The following ROBO1 variants were observed in gnomAD, a reference collection of about 807,000 sequenced individuals.
ROBO1 encodes the protein roundabout homolog 1.
ROBO1 carries 149 observed loss-of-function variants against 195.9 expected under a neutral mutation model. The ratio of observed to expected loss-of-function variants is 0.76; its 90% confidence interval spans 0.67 to 0.87. The LOEUF (loss-of-function observed/expected upper bound fraction) is 0.87. ROBO1 is among the 40% of genes least tolerant of loss of function. The probability of loss-of-function intolerance (pLI) is 0.00; values close to 1 mark genes in which losing one functional copy is unlikely to be tolerated. For synonymous variants in ROBO1, 816 were observed against 733.2 expected (o/e 1.11, Z -1.82); for missense variants, 1,933 against 2,068.3 (o/e 0.93, Z 1.27).
chr3:79,138,813 G>A (rs904847601), intron 2 of ROBO1, among the ~76,000 whole-genome samples: 1 of 151,778 alleles, frequency 6.6e-6, no homozygotes, highest in African/African-American at 2.4e-5. Context: ...AGGAAATTCT[G>A]ATATAGATAT....
intron 4 of ROBO1, among the ~76,000 whole-genome samples, chr3:78,787,580 T>C (rs1409365941): frequency 2.0e-5 from 3 of 152,218 alleles, no homozygotes; most frequent in Non-Finnish European, 4.4e-5. Context: ...AAACAAGCTA[T>C]CACCTATGTG....
chr3:79,319,200 A>G (rs2109122193), intron 2 of ROBO1, among the ~76,000 whole-genome samples: 1 of 152,256 alleles, frequency 6.6e-6, no homozygotes, highest in East Asian at 1.9e-4. Context: ...GAAATTTTGA[A>G]TTTGGAGTAG....
intron 2 of ROBO1, among the ~76,000 whole-genome samples, chr3:79,351,540 T>C (rs2035342451): frequency 6.6e-6 from 1 of 152,168 alleles, no homozygotes; most frequent in South Asian, 2.1e-4. Context: ...ATTTTATTTT[T>C]ACAAAATCAA....
chr3:79,018,590 A>T (rs2078017024), intron 3 of ROBO1: 9 of 1,496,678 alleles, frequency 6.0e-6, no homozygotes, highest in Non-Finnish European at 8.1e-6. Flanking sequence ...ATTAGCCAAG[A>T]GTTTTCAGGG....
At chr3:79,418,521 TTA>T (rs753307583) in intron 2 of ROBO1, among the ~76,000 whole-genome samples, 23 of 152,278 alleles carry the variant, frequency 1.5e-4, no homozygotes, top group Admixed American at 1.0e-3. Flanking sequence ...ACAGCTATTT[TTA>T]TATAGTCTAA....
chr3:79,212,285 G>A (rs2081979915), intron 2 of ROBO1, among the ~76,000 whole-genome samples: 1 of 152,156 alleles, frequency 6.6e-6, no homozygotes, highest in African/African-American at 2.4e-5. Flanking sequence ...GGGGCAGTTT[G>A]TGGCCAGATT....
At chr3:79,074,281 A>G (rs2079134852) in intron 3 of ROBO1, among the ~76,000 whole-genome samples, 1 of 151,898 alleles carries the variant, frequency 6.6e-6, no homozygotes, top group African/African-American at 2.4e-5. Flanking sequence ...GTTTCAGGGT[A>G]TTCTGGTTCT....
intron 4 of ROBO1, among the ~76,000 whole-genome samples, chr3:78,820,169 T>G (rs1195429704): frequency 6.6e-6 from 1 of 152,220 alleles, no homozygotes; most frequent in African/African-American, 2.4e-5. Context: ...TATACGCAAA[T>G]TTCTTTAAGA....
chr3:79,050,722 G>C (rs912017342), intron 3 of ROBO1, among the ~76,000 whole-genome samples: 7 of 152,164 alleles, frequency 4.6e-5, no homozygotes, highest in African/African-American at 1.4e-4. Flanking sequence ...TCAGACCACA[G>C]TGCAATCAAA....
Position 78,639,880 on chromosome 3 carries a change from G to T in ROBO1, c.2901C>A (p.Ile967=), listed in dbSNP as rs1474551030. The T allele has an allele frequency of 6.2e-7, 1 of 1,603,126 alleles. No homozygotes were observed. Among genetic ancestry groups the T allele is most frequent in the Non-Finnish European group, 8.5e-7 (1 of 1,173,534 alleles). The change falls in exon 22 of 31, where the codon ATC becomes ATA. Residue 967 remains isoleucine, a synonymous_variant. Coordinates refer to ENST00000464233, the MANE Select transcript of ROBO1 (RefSeq NM_002941.4). ...GCCATGGCTGCGCGGCAGGTTCACT[G>T]ATGTTGAGAAGTCCAGGCCTAAATA... ...SSGGRPGLLN[I]SEPAAQPWLA...
At chr3:79,399,955 C>A (rs1390426094) in intron 2 of ROBO1, among the ~76,000 whole-genome samples, 2 of 152,072 alleles carry the variant, frequency 1.3e-5, no homozygotes, top group Non-Finnish European at 2.9e-5. Context: ...TCACACTAGA[C>A]CCTTGTGTAG....
chr3:78,744,231 C>A (rs2082601407), intron 5 of ROBO1, among the ~76,000 whole-genome samples: 1 of 152,192 alleles, frequency 6.6e-6, no homozygotes, highest in Non-Finnish European at 1.5e-5. Flanking sequence ...TGCTCACAAA[C>A]ACATCCAGTC....
In ROBO1 at chr3:79,165,403, C is replaced by G. The variant is rs77219122; in HGVS notation, c.89-39864G>C. Among the ~76,000 whole-genome samples, 662 of 152,300 alleles carry G rather than the reference C, an allele frequency of 4.3e-3. 4 individuals carry two copies. Among genetic ancestry groups the G allele is most frequent in the Non-Finnish European group, 6.6e-3 (449 of 68,024 alleles). The stretch of plus-strand genomic sequence containing the variant: ...TTCTTTCAGCATTAGAATAATTTAC[C>G]TGTTTGAGATTCTTAGGAATGTGCT... On this transcript the variant is annotated intron_variant, in intron 2 of 30. Coordinates refer to ENST00000464233, the MANE Select transcript of ROBO1 (RefSeq NM_002941.4).
chr3:78,633,972 T>A lies in ROBO1; in HGVS notation c.3444A>T (p.Gly1148=), dbSNP rs1414432364. The A allele has an allele frequency of 3.7e-6, 6 of 1,612,884 alleles. No homozygotes were observed. The highest frequency in any genetic ancestry group is 5.1e-6 in the Non-Finnish European group (6 of 1,179,182). Residue 1148 remains glycine, a synonymous_variant, in exon 24 of 31, where the codon GGA becomes GGT. Coordinates refer to ENST00000464233, the MANE Select transcript of ROBO1 (RefSeq NM_002941.4). ...TGCCCCGGTCTGAGCTGTTGTAGGA[T>A]CCTCCTGTGTTCTGGTCGTATGATT... is the stretch of plus-strand genomic sequence containing the variant. ...YNQSYDQNTG[G]SYNSSDRGSS...
chr3:79,540,022 G>T (rs1942007681), intron 2 of ROBO1, among the ~76,000 whole-genome samples: 1 of 152,000 alleles, frequency 6.6e-6, no homozygotes, highest in South Asian at 2.1e-4. Flanking sequence ...TTCCTTGGAG[G>T]TTACAGTGAT....
chr3:78,795,085 T>C (rs1005137536), intron 4 of ROBO1, among the ~76,000 whole-genome samples: 1 of 152,188 alleles, frequency 6.6e-6, no homozygotes, highest in African/African-American at 2.4e-5. Context: ...TCACTGATAT[T>C]TTCCTTGCAG....
chr3:78,760,251 T>C (rs1411531958), intron 4 of ROBO1, among the ~76,000 whole-genome samples: 1 of 152,192 alleles, frequency 6.6e-6, no homozygotes, highest in Non-Finnish European at 1.5e-5. Context: ...CATTCTCAGC[T>C]ATGTCTTTGT....
At position 79,731,932 on chromosome 3, in the gene ROBO1, T is replaced by C. The variant is rs897274849; in HGVS notation, c.-51+35820A>G. Among the ~76,000 whole-genome samples, 18 of 152,126 alleles carry C rather than the reference T, an allele frequency of 1.2e-4. 1 individual carries two copies. Among genetic ancestry groups the C allele is most frequent in the Admixed American group, 1.0e-3 (16 of 15,264 alleles). ...ACAGAAACTGAAACAAATGTCATCA[T>C]GCATCACTTGATTGTGGGGATTCTG... is the stretch of plus-strand genomic sequence containing the variant. On this transcript the variant is annotated intron_variant, in intron 1 of 30. Transcript: ENST00000464233.
chr3:79,459,244 C>A (rs1314804351), intron 2 of ROBO1, among the ~76,000 whole-genome samples: 1 of 152,094 alleles, frequency 6.6e-6, no homozygotes, highest in Non-Finnish European at 1.5e-5. Context: ...TTAATATGAA[C>A]ACAATTCTCT....
Sources: allele counts gnomAD v4.1 joint callset (sites outside exome capture counted in the v4.1 genomes callset), GRCh38; gene constraint gnomAD v4.1.1; transcripts MANE v1.5; gene names NCBI Gene and HGNC (gene_info 2026-07-23, HGNC 2026-07-21).